MAU2: variants seen among roughly 807,000 people sequenced by gnomAD.
MAU2 encodes the protein MAU2 sister chromatid cohesion factor, also known as MAU2 chromatid cohesion factor homolog.
In MAU2, 9 loss-of-function variants were observed where a neutral mutation model predicts 89.1. The observed-to-expected ratio is 0.10, with a 90% confidence interval of 0.06 to 0.18. The LOEUF (loss-of-function observed/expected upper bound fraction) is 0.18, where lower values mean the gene tolerates loss of function less well. Ranked by LOEUF, MAU2 falls within the 10% of genes least tolerant of loss-of-function variation. The pLI is 1.00. For missense variants in MAU2, 425 were observed against 803.5 expected (o/e 0.53, Z 5.69); for synonymous variants, 357 against 343.4 (o/e 1.04, Z -0.44).
chr19:19,329,464 G>C (rs1393632563), intron 1 of MAU2, among the ~76,000 whole-genome samples: 1 of 151,986 alleles, frequency 6.6e-6, no homozygotes, highest in Non-Finnish European at 1.5e-5. Context: ...CCTACTACAT[G>C]CCAGGCCCTG....
At chr19:19,330,240 A>C (rs527769608) in intron 1 of MAU2, among the ~76,000 whole-genome samples, 1 of 151,104 alleles carries the variant, frequency 6.6e-6, no homozygotes, top group Non-Finnish European at 1.5e-5. Flanking sequence ...TTGGCCTCCC[A>C]AAGTGCCAGG....
intron 16 of MAU2, among the ~76,000 whole-genome samples, chr19:19,350,933 C>T (rs1273209917): frequency 1.3e-5 from 2 of 151,828 alleles, no homozygotes; most frequent in African/African-American, 4.8e-5. Flanking sequence ...TGGCCAGGCA[C>T]AGTGGCTCAT....
intron 1 of MAU2, among the ~76,000 whole-genome samples, chr19:19,322,694 CCCTTTTA>C (rs549389303): frequency 4.1e-4 from 62 of 152,044 alleles, no homozygotes; most frequent in Non-Finnish European, 6.8e-4. Flanking sequence ...ACCCCTGCCT[CCCTTTTA>C]CCTTTTACCC....
rs758425378 is a variant in MAU2, at chr19:19,355,689, T to C, written c.1768-19T>C. On this transcript the variant is annotated intron_variant, in intron 18 of 18. Transcript: ENST00000262815. ...AACGGTCCACAGTGCCTCACTCGCATGTCCTCTCCTCCCCACAGTGGACAG... is the reference window on the plus strand; with the variant it reads ...AACGGTCCACAGTGCCTCACTCGCACGTCCTCTCCTCCCCACAGTGGACAG... 1 of 1,600,570 alleles carries C rather than the reference T, an allele frequency of 6.2e-7. No homozygotes were observed.
chr19:19,346,965 G>A (rs2061698153), intron 12 of MAU2: 4 of 282,270 alleles, frequency 1.4e-5, no homozygotes, highest in African/African-American at 2.2e-5. Context: ...CCTGGAGGAA[G>A]GGTCCACCAG....
chr19:19,324,939 A>G (rs550710882), intron 1 of MAU2, among the ~76,000 whole-genome samples: 41 of 152,160 alleles, frequency 2.7e-4, no homozygotes, highest in Non-Finnish European at 4.6e-4. Context: ...TTTTTTCCCA[A>G]TCAGGGAGCT....
chr19:19,321,082 C>T lies in MAU2; in HGVS notation c.223C>T (p.Leu75Phe). 6.2e-7 allele frequency: 1 copy of T among 1,611,354 alleles called. No homozygotes were observed. Among genetic ancestry groups the T allele is most frequent in the Non-Finnish European group, 8.5e-7 (1 of 1,179,066 alleles). The change falls in exon 1 of 19, where the codon CTC becomes TTC. Residue 75 changes from leucine to phenylalanine, a missense_variant. Physicochemically the swap from Leu to Phe is conservative, Grantham distance 22. Coordinates refer to ENST00000262815, the MANE Select transcript of MAU2 (RefSeq NM_015329.4). Reference sequence around the variant, plus strand: ...TACACACCTGCAGCTGGGCTCCGTTCTCTATCACCACACCAAGAACAGCGA... The same window carrying T: ...TACACACCTGCAGCTGGGCTCCGTTTTCTATCACCACACCAAGAACAGCGA... ...ARTHLQLGSV[L>F]YHHTKNSEQA...
At position 19,355,855 on chromosome 19, in the gene MAU2, G is replaced by A. The variant is rs557383901; in HGVS notation, c.*73G>A. The A allele has an allele frequency of 1.5e-6, 2 of 1,363,218 alleles. No individual in the cohort carries two copies. The highest frequency in any genetic ancestry group is 1.7e-5 in the Admixed American group (1 of 59,646). The allele number at this position is 1,363,218 out of a possible 1,614,324, so 84.4% of individuals were successfully genotyped here. A position where few individuals can be genotyped will look rare whatever the true frequency, so the allele number is the denominator to read the frequency against. Reference sequence around the variant, plus strand: ...TTCCACCCAGACGGCACTCAAGCCTGCCCCCGAGGCGTGCTTCCTTCCTGA... The same window carrying A: ...TTCCACCCAGACGGCACTCAAGCCTACCCCCGAGGCGTGCTTCCTTCCTGA... On this transcript the variant is annotated 3_prime_UTR_variant, in exon 19 of 19. Transcript: ENST00000262815.
At chr19:19,328,744 G>C (rs2061531810) in intron 1 of MAU2, among the ~76,000 whole-genome samples, 1 of 152,086 alleles carries the variant, frequency 6.6e-6, no homozygotes, top group Non-Finnish European at 1.5e-5. Context: ...TCTTACTTCT[G>C]ATCACAGTCC....
chr19:19,342,708 G>GT (rs1296070325), intron 8 of MAU2, 27 bp downstream of exon 8: 12 of 1,612,714 alleles, frequency 7.4e-6, no homozygotes, highest in African/African-American at 1.3e-5. Flanking sequence ...GCCCGGGCCA[G>GT]GGCTGGGGGC....
chr19:19,332,058 C>T (rs1277050243), intron 1 of MAU2, among the ~76,000 whole-genome samples: 3 of 152,226 alleles, frequency 2.0e-5, no homozygotes, highest in Non-Finnish European at 4.4e-5. Flanking sequence ...ACTCATTATC[C>T]AAGTGGATAA....
chr19:19,327,328 TTTA>T, intron 1 of MAU2, among the ~76,000 whole-genome samples: 1 of 68,146 alleles, frequency 1.5e-5, no homozygotes, highest in Middle Eastern at 8.8e-3. Context: ...TATTTATTTA[TTTA>T]TTTATTTATT....
intron 16 of MAU2, among the ~76,000 whole-genome samples, chr19:19,350,522 T>G (rs1268721730): frequency 6.6e-6 from 1 of 151,626 alleles, no homozygotes. Context: ...GAGAATTGCT[T>G]GAACCCAGGA....
At chr19:19,348,858 G>A (rs1418821330) in intron 13 of MAU2, 31 bp from the exon 14 acceptor site, 5 of 1,613,104 alleles carry the variant, frequency 3.1e-6, no homozygotes, top group Non-Finnish European at 4.2e-6. Context: ...TGAAGATGCA[G>A]AATGGTGCTG....
At chr19:19,340,046 T>C (rs2061628879) in intron 5 of MAU2, among the ~76,000 whole-genome samples, 1 of 151,612 alleles carries the variant, frequency 6.6e-6, no homozygotes, top group South Asian at 2.1e-4. Flanking sequence ...GCGCCTGTAG[T>C]CCCAGCTACT....
At chr19:19,346,125 G>A (rs2061691143) in intron 12 of MAU2, among the ~76,000 whole-genome samples, 1 of 152,090 alleles carries the variant, frequency 6.6e-6, no homozygotes, top group Non-Finnish European at 1.5e-5. Flanking sequence ...CCGCAGGCCT[G>A]TGGGTGCTGC....
At chr19:19,353,477 TG>T (rs1185347255) in intron 16 of MAU2, 1 of 152,212 alleles carries the variant, frequency 6.6e-6, no homozygotes, top group African/African-American at 2.4e-5. Flanking sequence ...TGTTGGGCTT[TG>T]TGTCTCAGGA....
intron 9 of MAU2, 89 bp from the exon 10 acceptor site, chr19:19,343,748 G>A: frequency 1.1e-6 from 1 of 910,454 alleles, no homozygotes; most frequent in Non-Finnish European, 1.8e-6. Flanking sequence ...AGTGTGGCAG[G>A]AGACAGGAAC....
intron 1 of MAU2, among the ~76,000 whole-genome samples, chr19:19,326,026 A>T (rs2061501519): frequency 7.5e-6 from 1 of 132,616 alleles, no homozygotes. Flanking sequence ...TTTGAGACAG[A>T]GTCTCACTTT....
Sources: allele counts gnomAD v4.1 joint callset (sites outside exome capture counted in the v4.1 genomes callset), GRCh38; gene constraint gnomAD v4.1.1; transcripts MANE v1.5; gene names NCBI Gene and HGNC (gene_info 2026-07-23, HGNC 2026-07-21).